Variants in KLHL5 observed in about 807,000 individuals in gnomAD.
KLHL5 encodes kelch like family member 5.
KLHL5 carries 48 observed loss-of-function variants against 77.7 expected under a neutral mutation model. That is an observed-to-expected ratio of 0.62 (90% CI 0.49 to 0.79). The LOEUF (loss-of-function observed/expected upper bound fraction) is 0.79. Among genes scored for constraint, KLHL5 ranks in the 30% least tolerant of loss-of-function variants. The pLI is 0.00. For missense variants in KLHL5, 723 were observed against 859.7 expected, an observed-to-expected ratio of 0.84 and a Z score of 1.99; for synonymous variants, 260 against 297.0, an observed-to-expected ratio of 0.88 and a Z score of 1.28.
At chr4:39,063,283 C>G (rs1424315106) in intron 1 of KLHL5, among the ~76,000 whole-genome samples, 1 of 151,904 alleles carries the variant, frequency 6.6e-6, no homozygotes, top group South Asian at 2.1e-4. Context: ...ATAGATCTGG[C>G]TCAGCTTTGA....
the KLHL5 span, among the ~76,000 whole-genome samples, chr4:39,137,329 G>C: frequency 7.0e-6 from 1 of 143,244 alleles, no homozygotes; most frequent in Non-Finnish European, 1.5e-5. Flanking sequence ...CCAGGTCTTG[G>C]CTTCTAAATA....
At chr4:39,063,133 A>G in intron 1 of KLHL5, 98 bp downstream of exon 1, 4 of 826,944 alleles carry the variant, frequency 4.8e-6, no homozygotes, top group Non-Finnish European at 7.1e-6. Flanking sequence ...CTGATTATAT[A>G]TGTACATCTG....
chr4:39,103,989 A>AAG (rs1488118361), intron 7 of KLHL5, among the ~76,000 whole-genome samples: 3 of 151,128 alleles, frequency 2.0e-5, no homozygotes, highest in African/African-American at 7.3e-5. Flanking sequence ...AAAAAAAAAA[A>AAG]AAAAAGGATC....
Position 39,078,117 on chromosome 4 carries a change from G to A in KLHL5, c.566+1970G>A, listed in dbSNP as rs558388060. ...AGAATGATACAATGAGGCCAGGCGC[G>A]ATGGCTCACACCTGTAATCCAGCAC... On this transcript the variant is annotated intron_variant, in intron 2 of 10. Coordinates refer to ENST00000504108, the MANE Select transcript of KLHL5 (RefSeq NM_015990.5). Among the ~76,000 whole-genome samples, 364 of 152,216 alleles carry A rather than the reference G, an allele frequency of 2.4e-3. 1 individual carries two copies. The highest frequency in any genetic ancestry group is 3.9e-3 in the Non-Finnish European group (264 of 68,008).
downstream of KLHL5, among the ~76,000 whole-genome samples, chr4:39,129,076 A>G (rs1723692877): frequency 6.6e-6 from 1 of 151,940 alleles, no homozygotes; most frequent in Non-Finnish European, 1.5e-5. The surrounding 1 kb of genome is among the most constrained non-coding windows in gnomAD (Gnocchi z 4.2). Context: ...AACCTTGTTT[A>G]AGTAGCCATA....
At chr4:39,129,566 G>T (rs950972104), downstream of KLHL5, among the ~76,000 whole-genome samples, 1 of 152,150 alleles carries the variant, frequency 6.6e-6, no homozygotes, top group Non-Finnish European at 1.5e-5. This position sits in a 1 kb window ranked among gnomAD's most constrained non-coding sequence, Gnocchi z 4.2. Context: ...TAGGTATATT[G>T]TGTGATGCTG....
chr4:39,058,811 A>G (rs186399623), upstream of KLHL5, among the ~76,000 whole-genome samples: 12 of 152,240 alleles, frequency 7.9e-5, no homozygotes, highest in Middle Eastern at 3.4e-3. Context: ...TTGAGCACCT[A>G]CTGTCTCCTA....
rs1158735689 is a variant in KLHL5, at chr4:39,082,005, C to T, written c.746C>T (p.Ser249Phe). ...LKEDNIECLL[S>F]TACLLQLSQV... The stretch of plus-strand genomic sequence containing the variant: ...GAAGATAATATTGAGTGCCTGTTAT[C>T]TACAGCTTGCCTTCTTCAGCTTTCA... The change falls in exon 4 of 11, where the codon TCT becomes TTT. Residue 249 changes from serine to phenylalanine, a missense_variant. Coordinates refer to ENST00000504108, the MANE Select transcript of KLHL5 (RefSeq NM_015990.5). 2 of 1,611,330 alleles carry T rather than the reference C, an allele frequency of 1.2e-6. No homozygotes were observed. Among genetic ancestry groups the T allele is most frequent in the South Asian group, 2.2e-5 (2 of 90,360 alleles).
chr4:39,111,787 A>G (rs1722471290), intron 8 of KLHL5, among the ~76,000 whole-genome samples: 1 of 152,166 alleles, frequency 6.6e-6, no homozygotes, highest in Non-Finnish European at 1.5e-5. Flanking sequence ...TTAGAACAAG[A>G]TATTGCTATA....
At chr4:39,077,821 G>A (rs1408187585) in intron 2 of KLHL5, among the ~76,000 whole-genome samples, 1 of 151,818 alleles carries the variant, frequency 6.6e-6, no homozygotes, top group African/African-American at 2.4e-5. Context: ...AAAGATGTTT[G>A]CACACAAGTT....
intron 4 of KLHL5, among the ~76,000 whole-genome samples, chr4:39,084,820 A>C (rs1044039098): frequency 1.3e-5 from 2 of 152,218 alleles, no homozygotes; most frequent in Non-Finnish European, 2.9e-5. Flanking sequence ...TTATTATTTC[A>C]GTTTCTTCAC....
chr4:39,096,814 G>A lies in KLHL5; in HGVS notation c.1236G>A (p.Arg412=), dbSNP rs1721109700. 2.5e-6 allele frequency: 4 copies of A among 1,613,822 alleles called. No homozygotes were observed. Among genetic ancestry groups the A allele is most frequent in the Non-Finnish European group, 3.4e-6 (4 of 1,179,894 alleles). ...GACGACCCATGTTACAAAGTCCTCG[G>A]ACAAAACCTAGGAAGTCAACTGTTG... ...PERRPMLQSP[R]TKPRKSTVGT... The change falls in exon 6 of 11, where the codon CGG becomes CGA. Residue 412 remains arginine, a synonymous_variant. Transcript: ENST00000504108.
intron 9 of KLHL5, among the ~76,000 whole-genome samples, 186 bp from the exon 10 acceptor site, chr4:39,114,973 A>T (rs1181575331): frequency 1.3e-5 from 2 of 152,180 alleles, no homozygotes; most frequent in Non-Finnish European, 2.9e-5. Context: ...TGTTAAGTGG[A>T]TCTATTAATA....
intron 1 of KLHL5, among the ~76,000 whole-genome samples, chr4:39,069,430 TTA>T (rs60740721): frequency 5.5e-3 from 167 of 30,408 alleles, no homozygotes; most frequent in Middle Eastern, 0.023. Flanking sequence ...TATTAACATT[TTA>T]TATATATATA....
downstream of KLHL5, among the ~76,000 whole-genome samples, chr4:39,130,078 C>T (rs1377096065): frequency 2.6e-5 from 4 of 152,096 alleles, no homozygotes; most frequent in South Asian, 2.1e-4. Context: ...CCTAATCCAG[C>T]GGCGCTAGAG....
At chr4:39,045,203 CGGGGCGCGA>C (rs1179465124) in intron 1 of KLHL5, 1 of 977,796 alleles carries the variant, frequency 1.0e-6, no homozygotes, top group Non-Finnish European at 1.2e-6. Flanking sequence ...CCGGAGCGCG[CGGGGCGCGA>C]AGACGCTGCC....
intron 4 of KLHL5, among the ~76,000 whole-genome samples, chr4:39,082,796 T>C (rs1300422134): frequency 6.6e-6 from 1 of 152,098 alleles, no homozygotes; most frequent in Non-Finnish European, 1.5e-5. Context: ...AAAAATGGAT[T>C]GACCTAGGAT....
chr4:39,096,654 T>C, intron 5 of KLHL5, 38 bp from the exon 6 acceptor site: 1 of 1,364,568 alleles, frequency 7.3e-7, no homozygotes, highest in Non-Finnish European at 1.0e-6. Flanking sequence ...TACCATTTTC[T>C]TAGTCATTCA....
Position 39,081,157 on chromosome 4 carries a change from C to A in KLHL5, c.621C>A (p.Val207=), listed in dbSNP as rs139982106. 34 of 1,611,984 alleles carry A rather than the reference C, an allele frequency of 2.1e-5. No individual in the cohort carries two copies. Among genetic ancestry groups the A allele is most frequent in the Non-Finnish European group, 2.5e-5 (29 of 1,179,184 alleles). ...DYFAAMFTND[V]REARQEEIKM... is the part of the protein sequence containing the mutation. Reference sequence around the variant, plus strand: ...TTGCTGCCATGTTTACTAATGATGTCAGAGAGGCAAGACAAGAAGAAATAA... The same window carrying A: ...TTGCTGCCATGTTTACTAATGATGTAAGAGAGGCAAGACAAGAAGAAATAA... Residue 207 remains valine (V), a synonymous_variant, in exon 3 of 11, where the codon GTC becomes GTA. Transcript: ENST00000504108. This position sits in a 1 kb window ranked among gnomAD's most constrained non-coding sequence, Gnocchi z 4.3.
Sources: gnomAD v4.1 joint callset for allele counts (sites outside exome capture counted in the v4.1 genomes callset) on GRCh38, gnomAD v4.1.1 for gene constraint, Gnocchi (gnomAD v3.1) non-coding constraint, MANE v1.5 for transcripts, NCBI Gene and HGNC (gene_info 2026-07-23, HGNC 2026-07-21) for gene names.